The following PTPRD variants were observed in gnomAD, a reference collection of about 807,000 sequenced individuals.
The protein encoded by PTPRD is receptor-type tyrosine-protein phosphatase delta.
A neutral mutation model predicts 214.5 loss-of-function variants in PTPRD; 34 were observed. That is an observed-to-expected ratio of 0.16 (90% CI 0.12 to 0.21). The LOEUF (loss-of-function observed/expected upper bound fraction) is 0.21. Among genes scored for constraint, PTPRD ranks in the 10% least tolerant of loss-of-function variants. PTPRD has a pLI of 1.00. For missense variants in PTPRD, 2,545 were observed against 2,398.7 expected (o/e 1.06, Z -1.27); for synonymous variants, 1,128 against 845.7 (o/e 1.33, Z -5.79).
intron 11 of PTPRD, among the ~76,000 whole-genome samples, chr9:8,824,162 T>A (rs1248567753): frequency 6.6e-6 from 1 of 152,208 alleles, no homozygotes; most frequent in East Asian, 1.9e-4. Context: ...GCTGACCTTT[T>A]ATCTTATCCT....
At chr9:9,302,601 C>CTTTTTTTTTT (rs3047853) in intron 9 of PTPRD, among the ~76,000 whole-genome samples, 134 of 111,854 alleles carry the variant, frequency 1.2e-3, no homozygotes, top group East Asian at 2.7e-3. Context: ...TTTTTTTTTT[C>CTTTTTTTTTT]TTTTTTTTTT....
At chr9:9,935,449 C>G (rs986944033) in intron 5 of PTPRD, among the ~76,000 whole-genome samples, 25 of 151,756 alleles carry the variant, frequency 1.6e-4, no homozygotes, top group African/African-American at 6.1e-4. Flanking sequence ...AACAGAGAGC[C>G]AAATCATGAG....
chr9:8,894,298 T>C (rs7872722), intron 11 of PTPRD, among the ~76,000 whole-genome samples: 35,977 of 139,094 alleles, frequency 0.26, 5,444 homozygotes, highest in East Asian at 0.57. Flanking sequence ...GAGGTTTCAG[T>C]GAGCCAACAT....
chr9:9,008,472 C>T (rs925709837), intron 11 of PTPRD, among the ~76,000 whole-genome samples: 1 of 151,870 alleles, frequency 6.6e-6, no homozygotes, highest in Non-Finnish European at 1.5e-5. Flanking sequence ...GTGATCCACC[C>T]GTCTCGGCCT....
chr9:8,345,602 TG>T (rs1157745462), intron 39 of PTPRD, among the ~76,000 whole-genome samples: 1 of 152,028 alleles, frequency 6.6e-6, no homozygotes, highest in African/African-American at 2.4e-5. Context: ...GTGGAGATTG[TG>T]TCATTACTCC....
At chr9:10,522,004 A>T (rs2052488936) in intron 2 of PTPRD, among the ~76,000 whole-genome samples, 1 of 151,984 alleles carries the variant, frequency 6.6e-6, no homozygotes, top group Admixed American at 6.6e-5. Context: ...AAGTACACAA[A>T]CTGTTAGGGA....
chr9:8,501,029 C>A lies in PTPRD; in HGVS notation c.1853G>T (p.Cys618Phe), dbSNP rs757562644. ...AATACTAGTGGAACTTGGGCTGGTGCAACTAATGTCTTGAGGAGGAGCTGA... is the reference window on the plus strand; with the variant it reads ...AATACTAGTGGAACTTGGGCTGGTGAAACTAATGTCTTGAGGAGGAGCTGA... ...KPSAPPQDISCTSPSSTSILV... is the reference protein window; with the variant it reads ...KPSAPPQDISFTSPSSTSILV... The change falls in exon 24 of 46, where the codon TGC becomes TTC. Residue 618 changes from cysteine to phenylalanine, a missense_variant. Coordinates refer to ENST00000381196, the MANE Select transcript of PTPRD (RefSeq NM_002839.4). The A allele has an allele frequency of 2.5e-6, 4 of 1,613,012 alleles. No individual in the cohort carries two copies. In the African/African-American group the frequency reaches 4.0e-5, roughly 16 times the overall value.
chr9:8,558,092 G>C (rs2084705824), intron 14 of PTPRD, among the ~76,000 whole-genome samples: 1 of 152,156 alleles, frequency 6.6e-6, no homozygotes, highest in South Asian at 2.1e-4. Context: ...AATGATGTGT[G>C]TCAGACAATT....
intron 3 of PTPRD, among the ~76,000 whole-genome samples, chr9:10,062,109 A>G (rs1357430042): frequency 2.0e-5 from 3 of 152,080 alleles, no homozygotes; most frequent in Non-Finnish European, 2.9e-5. Context: ...TCGTATTTCA[A>G]TTTACTCAAC....
chr9:9,980,618 C>CAAAAAAAAAAAAAA (rs1202080056), intron 4 of PTPRD, among the ~76,000 whole-genome samples: 1 of 23,262 alleles, frequency 4.3e-5, no homozygotes, highest in East Asian at 5.4e-4. Flanking sequence ...CAAAAAAAAA[C>CAAAAAAAAAAAAAA]AAAAAAAAAA....
chr9:8,753,255 A>C (rs1377927895), intron 11 of PTPRD, among the ~76,000 whole-genome samples: 1 of 152,232 alleles, frequency 6.6e-6, no homozygotes, highest in Non-Finnish European at 1.5e-5. Context: ...CACTGGCTAA[A>C]ACCATGAAGC....
intron 3 of PTPRD, among the ~76,000 whole-genome samples, chr9:10,055,286 G>T (rs952890166): frequency 5.9e-5 from 9 of 152,038 alleles, no homozygotes; most frequent in Admixed American, 3.9e-4. Context: ...CTATACTAAT[G>T]ATCTTCTACT....
At chr9:9,037,368 A>T (rs2099625265) in intron 10 of PTPRD, among the ~76,000 whole-genome samples, 1 of 152,154 alleles carries the variant, frequency 6.6e-6, no homozygotes, top group East Asian at 1.9e-4. Context: ...TGAACAAAGG[A>T]TATAGAGACA....
chr9:8,573,388 C>G (rs929318291), intron 14 of PTPRD, among the ~76,000 whole-genome samples: 1 of 151,894 alleles, frequency 6.6e-6, no homozygotes, highest in African/African-American at 2.4e-5. Context: ...TAATAGAACA[C>G]TGCTTTAACA....
chr9:10,329,963 T>C (rs1346056388), intron 3 of PTPRD, among the ~76,000 whole-genome samples: 1 of 151,876 alleles, frequency 6.6e-6, no homozygotes, highest in Non-Finnish European at 1.5e-5. Flanking sequence ...GAAAAATCTT[T>C]TATAGATATT....
intron 10 of PTPRD, among the ~76,000 whole-genome samples, chr9:9,031,538 C>G (rs566066917): frequency 1.3e-5 from 2 of 152,086 alleles, no homozygotes; most frequent in African/African-American, 4.8e-5. Flanking sequence ...GAATGTGTTG[C>G]ACTATGACAT....
At chr9:9,567,005 G>T (rs948143611) in intron 8 of PTPRD, among the ~76,000 whole-genome samples, 17 of 151,978 alleles carry the variant, frequency 1.1e-4, no homozygotes, top group Non-Finnish European at 2.1e-4. Context: ...AGTGTGGAAA[G>T]TCCATTGCCG....
At chr9:9,052,193 G>A (rs182469289) in intron 10 of PTPRD, among the ~76,000 whole-genome samples, 53 of 152,086 alleles carry the variant, frequency 3.5e-4, no homozygotes, top group Non-Finnish European at 6.5e-4. Context: ...AGCTCACTAG[G>A]GTCTATTTTA....
intron 14 of PTPRD, among the ~76,000 whole-genome samples, chr9:8,629,163 C>A (rs1169887315): frequency 6.6e-6 from 1 of 151,702 alleles, no homozygotes; most frequent in Non-Finnish European, 1.5e-5. Context: ...TAGTAAGATG[C>A]TTAGATTCAA....
Sources: gnomAD v4.1 joint callset for allele counts (sites outside exome capture counted in the v4.1 genomes callset) on GRCh38, gnomAD v4.1.1 for gene constraint, MANE v1.5 for transcripts, NCBI Gene and HGNC (gene_info 2026-07-23, HGNC 2026-07-21) for gene names.